Variants in ODF2 observed in about 807,000 individuals in gnomAD.
ODF2 encodes the protein outer dense fiber of sperm tails 2, also known as outer dense fiber protein 2.
A neutral mutation model predicts 110.2 loss-of-function variants in ODF2; 47 were observed. The ratio of observed to expected loss-of-function variants is 0.43; its 90% confidence interval spans 0.34 to 0.54. The LOEUF (loss-of-function observed/expected upper bound fraction) is 0.54, where lower values mean the gene tolerates loss of function less well. ODF2 is among the 20% of genes least tolerant of loss of function. The pLI is 0.03. For missense variants in ODF2, 812 were observed against 1,054.5 expected (o/e 0.77, Z 3.19); for synonymous variants, 352 against 397.7 (o/e 0.89, Z 1.37).
At chr9:128,495,050 C>T (rs1049506962) in intron 17 of ODF2, among the ~76,000 whole-genome samples, 1 of 152,220 alleles carries the variant, frequency 6.6e-6, no homozygotes, top group African/African-American at 2.4e-5. Context: ...TCTCCTGACT[C>T]TTTAACAGAT....
chr9:128,470,842 G>GAT (rs1839807284), intron 5 of ODF2, among the ~76,000 whole-genome samples: 1 of 151,984 alleles, frequency 6.6e-6, no homozygotes, highest in Admixed American at 6.6e-5. Flanking sequence ...AGTTAACTGA[G>GAT]ATTGCACCCA....
chr9:128,455,268 T>A (rs1421969605), upstream of ODF2: 4 of 1,527,304 alleles, frequency 2.6e-6, no homozygotes, highest in Non-Finnish European at 3.5e-6. Context: ...AGGAGGGTAG[T>A]AGACCGGGCG....
At position 128,492,112 on chromosome 9, in the gene ODF2, A is replaced by G. The variant is rs535644204; in HGVS notation, c.1537-314A>G. On this transcript the variant is annotated intron_variant, in intron 14 of 20. Coordinates refer to ENST00000604420, the Ensembl canonical transcript of ODF2. ...GATCTCCTAACCTTGTGATCCGCCC[A>G]CCTCGGCCTCCCAAAGTGCTGGGAT... 2.4e-4 allele frequency among the ~76,000 whole-genome samples: 37 copies of G among 151,094 alleles called. No homozygotes were observed. The East Asian group carries it at 6.9e-3, about 28-fold the overall frequency.
At chr9:128,472,942 A>C in exon 7 of ODF2, 1 of 1,614,116 alleles carries the variant, frequency 6.2e-7, no homozygotes, top group Admixed American at 1.7e-5. Flanking sequence ...CAACAGGAGA[A>C]GGAGTGCCTC....
Position 128,485,322 on chromosome 9 carries a change from C to A in ODF2, c.1291-43C>A. 1 of 1,085,844 alleles carries A rather than the reference C, an allele frequency of 9.2e-7. No individual in the cohort carries two copies. The highest frequency in any genetic ancestry group is 1.4e-6 in the Non-Finnish European group (1 of 712,984). The allele number at this position is 1,085,844 out of a possible 1,614,324, so 67.3% of individuals were successfully genotyped here. On this transcript the variant is annotated intron_variant, in intron 12 of 20. Coordinates refer to ENST00000604420, the Ensembl canonical transcript of ODF2. The surrounding 1 kb of genome is among the most constrained non-coding windows in gnomAD (Gnocchi z 5.0). Reference sequence around the variant, plus strand: ...CGCTCCCAGCTCCTGGCAGCCTCACCACTGACACTAGGCTAACAGGCCCTT... The same window carrying A: ...CGCTCCCAGCTCCTGGCAGCCTCACAACTGACACTAGGCTAACAGGCCCTT...
At chr9:128,473,636 C>G (rs1241611912) in exon 8 of ODF2, 14 of 1,613,724 alleles carry the variant, frequency 8.7e-6, no homozygotes, top group Non-Finnish European at 1.1e-5. Flanking sequence ...GCACGGACAT[C>G]AACACCCTGA....
rs868041029 is a variant in ODF2 at position 128,458,482 on chromosome 9, G to C, written c.32+1045G>C. 2.1e-5 allele frequency among the ~76,000 whole-genome samples: 3 copies of C among 141,658 alleles called. No homozygotes were observed. The Admixed American group carries it at 2.1e-4, about 10-fold the overall frequency. 92.9% of individuals were successfully genotyped at this position (141,658 alleles called of 152,430 possible). A position where few individuals can be genotyped will look rare whatever the true frequency, so the allele number is the denominator to read the frequency against. On this transcript the variant is annotated intron_variant, in intron 2 of 20. Transcript: ENST00000604420. Reference sequence around the variant, plus strand: ...ATCTCAAAAAAAAAAAAAAAAAAAAGGCCAGGAGATGGATCAGATGGTTAT... The same window carrying C: ...ATCTCAAAAAAAAAAAAAAAAAAAACGCCAGGAGATGGATCAGATGGTTAT...
exon 1 of ODF2, chr9:128,456,167 C>A (rs1331262093): frequency 3.9e-6 from 6 of 1,549,266 alleles, no homozygotes; most frequent in Non-Finnish European, 5.2e-6. Flanking sequence ...CAGACTGCAT[C>A]CGCCGCGGCG....
At chr9:128,497,423 T>TAAAAAAAAAAAAAA (rs1165078375) in intron 18 of ODF2, 1 of 10,344 alleles carries the variant, frequency 9.7e-5, no homozygotes, top group African/African-American at 2.8e-4. Flanking sequence ...CCGTCTCTAC[T>TAAAAAAAAAAAAAA]AAAAAAAAAA....
chr9:128,459,462 C>A, intron 2 of ODF2, 105 bp from the exon 2 acceptor site: 1 of 895,210 alleles, frequency 1.1e-6, no homozygotes, highest in Non-Finnish European at 1.8e-6. Context: ...TTTTCCTAGC[C>A]ATGAACATGT....
At chr9:128,459,537 T>G in intron 2 of ODF2, 30 bp from the exon 2 acceptor site, 2 of 1,572,312 alleles carry the variant, frequency 1.3e-6, no homozygotes, top group Non-Finnish European at 1.7e-6. Flanking sequence ...AGTTTTCTGC[T>G]TACAATCTGG....
At chr9:128,460,442 G>A in intron 3 of ODF2, 108 bp from the exon 3 acceptor site, 1 of 1,527,690 alleles carries the variant, frequency 6.5e-7, no homozygotes, top group South Asian at 1.3e-5. Context: ...CTGCTCGCTT[G>A]GTGGCTAGGC....
upstream of ODF2, among the ~76,000 whole-genome samples, chr9:128,455,848 C>T (rs1588652372): frequency 6.6e-6 from 1 of 152,160 alleles, no homozygotes; most frequent in African/African-American, 2.4e-5. Flanking sequence ...GAACCGTACG[C>T]TCCTTTGAGT....
At chr9:128,500,974 T>G (rs1349984449), downstream of ODF2, 1 of 152,208 alleles carries the variant, frequency 6.6e-6, no homozygotes, top group Non-Finnish European at 1.5e-5. Flanking sequence ...AAGGCTCCAT[T>G]TGATGATTTC....
chr9:128,469,998 A>T, intron 5 of ODF2, among the ~76,000 whole-genome samples: 1 of 39,252 alleles, frequency 2.5e-5, no homozygotes, highest in African/African-American at 1.0e-4. Flanking sequence ...AAAAAAAAAA[A>T]AAAAAAAAAA....
At chr9:128,500,216 G>A in exon 21 of ODF2, 1 of 1,614,092 alleles carries the variant, frequency 6.2e-7, no homozygotes, top group Non-Finnish European at 8.5e-7. Flanking sequence ...CCACCTTCCT[G>A]ACTAGCTCTC....
chr9:128,499,714 G>A (rs779550001), intron 20 of ODF2, among the ~76,000 whole-genome samples: 2 of 152,022 alleles, frequency 1.3e-5, no homozygotes, highest in Non-Finnish European at 2.9e-5. Context: ...GGGTCAAGTA[G>A]TCCTCCCACC....
intron 19 of ODF2, 62 bp from the exon 20 acceptor site, chr9:128,498,939 C>CT (rs1403256485): frequency 7.9e-5 from 127 of 1,605,690 alleles, no homozygotes; most frequent in Non-Finnish European, 1.1e-4. Context: ...CCAGCCTTCT[C>CT]TTTGCCAAGT....
At chr9:128,469,069 C>T (rs971949551) in intron 4 of ODF2, 114 bp from the exon 5 acceptor site, 8 of 952,534 alleles carry the variant, frequency 8.4e-6, no homozygotes, top group East Asian at 4.9e-5. Context: ...CTGGGGTCCC[C>T]GAGTTAGCTG....
Sources: gnomAD v4.1 joint callset for allele counts (sites outside exome capture counted in the v4.1 genomes callset) on GRCh38, gnomAD v4.1.1 for gene constraint, Gnocchi (gnomAD v3.1) non-coding constraint, MANE v1.5 for transcripts, NCBI Gene and HGNC (gene_info 2026-07-23, HGNC 2026-07-21) for gene names.